The following MRPL20 variants were observed in gnomAD, a reference collection of about 807,000 sequenced individuals.
MRPL20 encodes the protein mitochondrial ribosomal protein L20, also known as large ribosomal subunit protein bL20m.
MRPL20 carries 21 observed loss-of-function variants against 20.0 expected under a neutral mutation model. The observed-to-expected ratio is 1.05, with a 90% CI of 0.74 to 1.51. The LOEUF (loss-of-function observed/expected upper bound fraction) is 1.51, where lower values mean the gene tolerates loss of function less well. MRPL20 is among the 40% of genes most tolerant of loss of function. The pLI, the probability that MRPL20 is intolerant of heterozygous loss-of-function variation, is 0.00. For synonymous variants in MRPL20, 104 were observed against 73.0 expected (o/e 1.43, Z -2.17); for missense variants, 252 against 185.6 (o/e 1.36, Z -2.08).
chr1:1,404,380 TCCTGA>T (rs1645363722), intron 3 of MRPL20, among the ~76,000 whole-genome samples: 1 of 151,812 alleles, frequency 6.6e-6, no homozygotes, highest in African/African-American at 2.4e-5. Flanking sequence ...GGTCTCGATC[TCCTGA>T]CCTTGTGATC....
chr1:1,404,390 G>A (rs1251071770), intron 3 of MRPL20, among the ~76,000 whole-genome samples: 3 of 151,660 alleles, frequency 2.0e-5, no homozygotes, highest in Non-Finnish European at 4.4e-5. Flanking sequence ...TCCTGACCTT[G>A]TGATCCACCT....
At position 1,407,279 on chromosome 1, in the gene MRPL20, GC is replaced by G; in HGVS notation, c.-63del. The G allele has an allele frequency of 6.9e-7, 1 of 1,439,152 alleles. No individual in the cohort carries two copies. Among genetic ancestry groups the G allele is most frequent in the Non-Finnish European group, 9.5e-7 (1 of 1,050,702 alleles). The allele number at this position is 1,439,152 out of a possible 1,614,324, so 89.1% of individuals were successfully genotyped here. A position where few individuals can be genotyped will look rare whatever the true frequency, so the allele number is the denominator to read the frequency against. On this transcript the variant is annotated 5_prime_UTR_variant, in exon 1 of 4. Transcript: ENST00000344843. Reference sequence around the variant, plus strand: ...GCACGCGCAGCGCCGCTGCCATCTTGCCCGGGTCGGAAATGGTGGTCACGAG... The same window carrying G: ...GCACGCGCAGCGCCGCTGCCATCTTGCCGGGTCGGAAATGGTGGTCACGAG...
intron 3 of MRPL20, chr1:1,402,483 T>C: frequency 7.7e-7 from 1 of 1,299,980 alleles, no homozygotes; most frequent in South Asian, 2.2e-5. Context: ...GCAGGGAGGC[T>C]GGACTCCAGT....
At position 1,407,238 on chromosome 1, in the gene MRPL20, C is replaced by G. The variant is rs754786162; in HGVS notation, c.-21G>C. 4.4e-6 allele frequency: 7 copies of G among 1,575,344 alleles called. No individual in the cohort carries two copies. Among genetic ancestry groups the G allele is most frequent in the Non-Finnish European group, 6.0e-6 (7 of 1,159,756 alleles). Reference sequence around the variant, plus strand: ...ACCATGGCGCCTGCAGGCCGGCGTCCCGAACACTCAACAACGCACGCGCAG... The same window carrying G: ...ACCATGGCGCCTGCAGGCCGGCGTCGCGAACACTCAACAACGCACGCGCAG... On this transcript the variant is annotated 5_prime_UTR_variant, in exon 1 of 4. Coordinates refer to ENST00000344843, the MANE Select transcript of MRPL20 (RefSeq NM_017971.4).
rs777713220 is a variant in MRPL20, at chr1:1,407,024, G to C, written c.88-5C>G. Reference sequence around the variant, plus strand: ...ATTTTTCCTTCCCCGGAAGTGCTGGGACAGAAAACGAGAAACCAGGGTTGT... The same window carrying C: ...ATTTTTCCTTCCCCGGAAGTGCTGGCACAGAAAACGAGAAACCAGGGTTGT... On this transcript the variant is annotated splice_polypyrimidine_tract_variant and splice_region_variant and intron_variant, in intron 1 of 3. Transcript: ENST00000344843. The C allele has an allele frequency of 1.9e-6, 3 of 1,613,174 alleles. No homozygotes were observed. Among genetic ancestry groups the C allele is most frequent in the Non-Finnish European group, 2.5e-6 (3 of 1,179,144 alleles).
At chr1:1,405,472 CA>C (rs1645374617) in intron 3 of MRPL20, 1 of 598,458 alleles carries the variant, frequency 1.7e-6, no homozygotes, top group South Asian at 2.0e-5. Flanking sequence ...AGAGTGGTCT[CA>C]CTATGTTGCC....
In MRPL20 at chr1:1,406,885, CG is replaced by C. The variant is rs772606339; in HGVS notation, c.198+23del. 1.9e-6 allele frequency: 3 copies of C among 1,593,432 alleles called. No homozygotes were observed. The African/African-American group carries it at 4.0e-5, about 21-fold the overall frequency. ...CAGGGGCCGCGAGTGCGCTGGCCGG[CG>C]GGTGTCCCGGGTCCACGCTTACGGT... On this transcript the variant is annotated intron_variant, in intron 2 of 3. Transcript: ENST00000344843.
intron 3 of MRPL20, among the ~76,000 whole-genome samples, chr1:1,403,575 A>C (rs1274975459): frequency 6.6e-6 from 1 of 152,028 alleles, no homozygotes. Context: ...CAGTTCCCTG[A>C]GTAAAATGGG....
At chr1:1,406,606 G>A (rs945273346) in intron 2 of MRPL20, 1 of 426,340 alleles carries the variant, frequency 2.3e-6, no homozygotes, top group Non-Finnish European at 4.4e-6. Flanking sequence ...GGAAGCCACC[G>A]GAGGGATGAG....
At position 1,402,016 on chromosome 1, in the gene MRPL20, C is replaced by CAA; in HGVS notation, c.*65_*66dup. 6.5e-7 allele frequency: 1 copy of CAA among 1,534,362 alleles called. No homozygotes were observed. Among genetic ancestry groups the CAA allele is most frequent in the Non-Finnish European group, 8.8e-7 (1 of 1,133,868 alleles). On this transcript the variant is annotated 3_prime_UTR_variant, in exon 4 of 4. Coordinates refer to ENST00000344843, the MANE Select transcript of MRPL20 (RefSeq NM_017971.4). Reference sequence around the variant, plus strand: ...TGTCTGTTATTGGGTTGTAGATAAACAAAAGTATAAATCAAACAAACTGCA... The same window carrying CAA: ...TGTCTGTTATTGGGTTGTAGATAAACAAAAAAGTATAAATCAAACAAACTGCA...
chr1:1,402,618 G>A lies in MRPL20; in HGVS notation c.277-362C>T, dbSNP rs1429812953. ...TGGAAGTGCCTGCAAGAACCACAGA[G>A]GATTTCAGAAGCTAGTGAACAATGC... On this transcript the variant is annotated intron_variant, in intron 3 of 3. Coordinates refer to ENST00000344843, the MANE Select transcript of MRPL20 (RefSeq NM_017971.4). 3 of 1,020,088 alleles carry A rather than the reference G, an allele frequency of 2.9e-6. No individual in the cohort carries two copies. In the African/African-American group the frequency reaches 5.1e-5, roughly 17 times the overall value. The allele number at this position is 1,020,088 out of a possible 1,614,324, so 63.2% of individuals were successfully genotyped here. A position where few individuals can be genotyped will look rare whatever the true frequency, so the allele number is the denominator to read the frequency against.
intron 2 of MRPL20, chr1:1,406,682 C>G: frequency 2.0e-6 from 1 of 506,404 alleles, no homozygotes; most frequent in South Asian, 2.0e-5. Context: ...TGCAGTGGCC[C>G]GGGCGAGGGG....
rs776917857 is a variant in MRPL20 at position 1,405,906 on chromosome 1, A to G, written c.199-20T>C. The G allele has an allele frequency of 6.3e-7, 1 of 1,598,492 alleles. No individual in the cohort carries two copies. The highest frequency in any genetic ancestry group is 8.6e-7 in the Non-Finnish European group (1 of 1,169,588). ...CCAGAGCTGAAATAAGAAAACATGA[A>G]GATACTTAAAAATGACTTCTGGATG... On this transcript the variant is annotated intron_variant, in intron 2 of 3. Transcript: ENST00000344843.
At chr1:1,402,751 G>T in intron 3 of MRPL20, 1 of 499,080 alleles carries the variant, frequency 2.0e-6, no homozygotes, top group African/African-American at 2.1e-5. Flanking sequence ...GGGAGGCCAA[G>T]GCAGGCAGGT....
chr1:1,402,024 T>C lies in MRPL20; in HGVS notation c.*59A>G, dbSNP rs2100390597. The stretch of plus-strand genomic sequence containing the variant: ...ATTGGGTTGTAGATAAACAAAAGTA[T>C]AAATCAAACAAACTGCAAATTACTC... On this transcript the variant is annotated 3_prime_UTR_variant, in exon 4 of 4. Coordinates refer to ENST00000344843, the MANE Select transcript of MRPL20 (RefSeq NM_017971.4). 2.6e-6 allele frequency: 4 copies of C among 1,552,236 alleles called. No individual in the cohort carries two copies. The highest frequency in any genetic ancestry group is 3.5e-6 in the Non-Finnish European group (4 of 1,145,094).
chr1:1,406,659 G>A (rs1645387165), intron 2 of MRPL20: 1 of 537,944 alleles, frequency 1.9e-6, no homozygotes, highest in Admixed American at 3.1e-5. Flanking sequence ...CAGGGAGAGT[G>A]TCAAGGCGGC....
chr1:1,407,265 G>A lies in MRPL20; in HGVS notation c.-48C>T, dbSNP rs72896275. ...GAACACTCAACAACGCACGCGCAGCGCCGCTGCCATCTTGCCCGGGTCGGA... is the reference window on the plus strand; with the variant it reads ...GAACACTCAACAACGCACGCGCAGCACCGCTGCCATCTTGCCCGGGTCGGA... On this transcript the variant is annotated 5_prime_UTR_variant, in exon 1 of 4. Transcript: ENST00000344843. The A allele has an allele frequency of 5.0e-5, 74 of 1,490,910 alleles. No homozygotes were observed. Among genetic ancestry groups the A allele is most frequent in the South Asian group, 2.4e-4 (20 of 84,290 alleles). 92.4% of individuals were successfully genotyped at this position (1,490,910 alleles called of 1,614,324 possible).
chr1:1,402,998 A>G (rs192969493), intron 3 of MRPL20, among the ~76,000 whole-genome samples: 7 of 152,050 alleles, frequency 4.6e-5, no homozygotes, highest in East Asian at 3.9e-4. Context: ...GCATGGTGGT[A>G]GTCACCTGTA....
chr1:1,406,425 A>G (rs1645384658), intron 2 of MRPL20: 1 of 195,008 alleles, frequency 5.1e-6, no homozygotes, highest in Non-Finnish European at 1.1e-5. Context: ...AGGCGCAGTA[A>G]TGAGGCGGCA....
Sources: allele counts gnomAD v4.1 joint callset (sites outside exome capture counted in the v4.1 genomes callset), GRCh38; gene constraint gnomAD v4.1.1; transcripts MANE v1.5; gene names NCBI Gene and HGNC (gene_info 2026-07-23, HGNC 2026-07-21).